TCF12: variants seen among roughly 807,000 people sequenced by gnomAD.
The protein encoded by TCF12 is DNA-binding protein HTF4.
Under a neutral mutation model 86.0 loss-of-function variants are expected in TCF12, and 45 were observed. That is an observed-to-expected ratio of 0.52 (90% CI 0.41 to 0.67). The LOEUF is 0.67. TCF12 is among the 30% of genes least tolerant of loss of function. TCF12 has a pLI of 0.00. For missense variants in TCF12, 881 were observed against 859.9 expected (o/e 1.02, Z -0.31); for synonymous variants, 330 against 299.6 (o/e 1.10, Z -1.05).
intron 4 of TCF12, among the ~76,000 whole-genome samples, chr15:57,084,285 A>C (rs2048489656): frequency 1.3e-5 from 2 of 152,126 alleles, no homozygotes; most frequent in South Asian, 4.1e-4. Context: ...TTTAACTGTT[A>C]ATTTTACTGG....
At chr15:57,070,778 A>G (rs1426117319) in intron 4 of TCF12, among the ~76,000 whole-genome samples, 1 of 152,238 alleles carries the variant, frequency 6.6e-6, no homozygotes, top group Non-Finnish European at 1.5e-5. Flanking sequence ...TGCTATCTAT[A>G]CAAAAAACAC....
intron 3 of TCF12, among the ~76,000 whole-genome samples, chr15:57,004,874 G>A: frequency 6.6e-6 from 1 of 152,140 alleles, no homozygotes; most frequent in Admixed American, 6.5e-5. Flanking sequence ...CTTAAATTGT[G>A]AGTTTACATT....
intron 18 of TCF12, among the ~76,000 whole-genome samples, chr15:57,270,898 G>A (rs902754281): frequency 6.6e-6 from 1 of 152,172 alleles, no homozygotes; most frequent in African/African-American, 2.4e-5. Flanking sequence ...AGCGGAGGCT[G>A]CAGAACAGCA....
At chr15:56,951,601 T>C (rs1161797953) in intron 3 of TCF12, among the ~76,000 whole-genome samples, 1 of 152,192 alleles carries the variant, frequency 6.6e-6, no homozygotes, top group African/African-American at 2.4e-5. Flanking sequence ...TGGTGTTGTA[T>C]CTAAGAAATC....
intron 13 of TCF12, among the ~76,000 whole-genome samples, chr15:57,248,574 A>G (rs1241537103): frequency 6.7e-6 from 1 of 148,192 alleles, no homozygotes; most frequent in Non-Finnish European, 1.5e-5. Flanking sequence ...AAAAAATAAT[A>G]AGGAGAGAAA....
intron 5 of TCF12, among the ~76,000 whole-genome samples, chr15:57,101,068 T>A (rs1027731902): frequency 6.6e-6 from 1 of 152,152 alleles, no homozygotes; most frequent in Admixed American, 6.5e-5. Flanking sequence ...CATCTCAGCT[T>A]CTTTTTCTTC....
chr15:56,940,487 C>CCTCCTCCTCCTTCTT (rs1555452230), intron 3 of TCF12, among the ~76,000 whole-genome samples: 2 of 101,374 alleles, frequency 2.0e-5, no homozygotes, highest in African/African-American at 7.6e-5. Context: ...TTCTCCTCCT[C>CCTCCTCCTCCTTCTT]CTCCTCCTCC....
At chr15:57,070,024 T>A (rs2069230352) in intron 4 of TCF12, among the ~76,000 whole-genome samples, 1 of 152,222 alleles carries the variant, frequency 6.6e-6, no homozygotes, top group Non-Finnish European at 1.5e-5. Context: ...TCTTTTTTTC[T>A]TTTTTCATTG....
At chr15:57,156,776 G>C (rs1342410156) in intron 5 of TCF12, among the ~76,000 whole-genome samples, 1 of 152,172 alleles carries the variant, frequency 6.6e-6, no homozygotes, top group Non-Finnish European at 1.5e-5. Context: ...CACTGACCTT[G>C]CCTGGTAAGG....
chr15:57,078,605 A>G (rs566816570), intron 4 of TCF12, among the ~76,000 whole-genome samples: 24 of 151,618 alleles, frequency 1.6e-4, no homozygotes, highest in African/African-American at 5.8e-4. Context: ...ATGCATTATC[A>G]CACTTCCATA....
intron 6 of TCF12, among the ~76,000 whole-genome samples, chr15:57,172,248 A>C (rs1432209272): frequency 6.6e-6 from 1 of 152,178 alleles, no homozygotes; most frequent in Non-Finnish European, 1.5e-5. Flanking sequence ...GCAAAACAAA[A>C]ATTGATAGAA....
chr15:57,247,875 A>G (rs2059934149), intron 13 of TCF12: 5 of 760,856 alleles, frequency 6.6e-6, no homozygotes, highest in South Asian at 4.1e-5. Flanking sequence ...AGTGTGCCCC[A>G]TTTCTCAAAA....
In TCF12 at chr15:57,158,184, G is replaced by GTTTTTTTTTTTTTTTTTTTTTTTTTTTT. The variant is rs374179677; in HGVS notation, c.326-8215_326-8214insTTTTTTTTTTTTTTTTTTTTTTTTTTTT. Among the ~76,000 whole-genome samples the GTTTTTTTTTTTTTTTTTTTTTTTTTTTT allele has an allele frequency of 5.2e-5, 7 of 134,086 alleles. 2 individuals are homozygous for GTTTTTTTTTTTTTTTTTTTTTTTTTTTT. Among genetic ancestry groups the GTTTTTTTTTTTTTTTTTTTTTTTTTTTT allele is most frequent in the Non-Finnish European group, 4.8e-5 (3 of 62,334 alleles). The allele number at this position is 134,086 out of a possible 152,430, so 88.0% of individuals were successfully genotyped here. On this transcript the variant is annotated intron_variant, in intron 5 of 20. Transcript: ENST00000333725. Reference sequence around the variant, plus strand: ...ACAGATGTTAAAGTCTCAGAAAGTCGTTTCTTTTTTTTTTTTTTCTTTGAG... The same window carrying GTTTTTTTTTTTTTTTTTTTTTTTTTTTT: ...ACAGATGTTAAAGTCTCAGAAAGTCGTTTTTTTTTTTTTTTTTTTTTTTTTTTTTTTCTTTTTTTTTTTTTTCTTTGAG...
chr15:57,181,241 C>G lies in TCF12; in HGVS notation c.391-10917C>G, dbSNP rs572095120. Among the ~76,000 whole-genome samples the G allele has an allele frequency of 5.3e-5, 8 of 152,102 alleles. No homozygotes were observed. The South Asian group carries it at 1.5e-3, about 28-fold the overall frequency. ...GACAAAGTAAGCCTGTTTTTCAACA[C>G]TTAATTTTCCCTTTCTGTTTTTTTT... On this transcript the variant is annotated intron_variant, in intron 6 of 20. Coordinates refer to ENST00000333725, the MANE Select transcript of TCF12 (RefSeq NM_207037.2).
intron 5 of TCF12, among the ~76,000 whole-genome samples, chr15:57,149,489 C>A (rs1323579485): frequency 6.6e-6 from 1 of 152,124 alleles, no homozygotes. Context: ...TTTCTTAGAG[C>A]AGTTTGTTCT....
chr15:57,066,590 A>G (rs2068894621), intron 4 of TCF12, among the ~76,000 whole-genome samples: 1 of 152,180 alleles, frequency 6.6e-6, no homozygotes, highest in South Asian at 2.1e-4. Flanking sequence ...TACTTTTTAT[A>G]ACATTTGAAA....
intron 19 of TCF12, 88 bp downstream of exon 19, chr15:57,273,350 T>A: frequency 7.4e-7 from 1 of 1,343,104 alleles, no homozygotes; most frequent in Non-Finnish European, 1.0e-6. Context: ...TTGGAGAAGT[T>A]GTTTGTTATT....
chr15:57,197,667 T>A, intron 7 of TCF12, 106 bp from the exon 8 acceptor site: 1 of 1,310,532 alleles, frequency 7.6e-7, no homozygotes, highest in East Asian at 2.4e-5. Context: ...CTCCCAAATA[T>A]TGGAAAACAA....
intron 14 of TCF12, among the ~76,000 whole-genome samples, chr15:57,251,734 T>A (rs376963223): frequency 2.2e-4 from 33 of 152,250 alleles, no homozygotes; most frequent in Non-Finnish European, 3.2e-4. Flanking sequence ...AAACTTTTTT[T>A]AAAAAGACAA....
Sources: gnomAD v4.1 joint callset for allele counts (sites outside exome capture counted in the v4.1 genomes callset) on GRCh38, gnomAD v4.1.1 for gene constraint, MANE v1.5 for transcripts, NCBI Gene and HGNC (gene_info 2026-07-23, HGNC 2026-07-21) for gene names.